Variants in TBC1D5 observed in about 807,000 individuals in gnomAD.
The protein encoded by TBC1D5 is TBC1 domain family, member 5.
In TBC1D5, 75 loss-of-function variants were observed where a neutral mutation model predicts 100.3. The observed-to-expected ratio is 0.75, with a 90% CI of 0.62 to 0.91. TBC1D5 has a LOEUF of 0.91. Ranked by LOEUF, TBC1D5 falls within the 40% of genes least tolerant of loss-of-function variation. TBC1D5 has a pLI of 0.00. For synonymous variants in TBC1D5, 323 were observed against 325.6 expected (o/e 0.99, Z 0.09); for missense variants, 910 against 942.4 (o/e 0.97, Z 0.45).
chr3:17,686,022 T>C (rs2070222651), intron 1 of TBC1D5, among the ~76,000 whole-genome samples: 1 of 152,174 alleles, frequency 6.6e-6, no homozygotes, highest in African/African-American at 2.4e-5. Flanking sequence ...GTGGACTAAC[T>C]TCAACTTGAC....
intron 17 of TBC1D5, among the ~76,000 whole-genome samples, chr3:17,219,918 G>T (rs1032848944): frequency 1.3e-5 from 2 of 152,010 alleles, no homozygotes; most frequent in South Asian, 2.1e-4. Flanking sequence ...AGATTTTCAG[G>T]GGCCCCTGCC....
At chr3:17,451,804 T>C (rs2094934303) in intron 3 of TBC1D5, among the ~76,000 whole-genome samples, 1 of 151,998 alleles carries the variant, frequency 6.6e-6, no homozygotes, top group Non-Finnish European at 1.5e-5. Flanking sequence ...GCGCCTGTAA[T>C]CCCTGCTCGG....
At chr3:17,406,493 ATTG>A (rs749096649) in exon 5 of TBC1D5, 34 of 1,611,724 alleles carry the variant, frequency 2.1e-5, no homozygotes, top group Middle Eastern at 1.6e-4. Context: ...TTGCCAAGTA[ATTG>A]TTGTTTACAA....
intron 14 of TBC1D5, among the ~76,000 whole-genome samples, chr3:17,301,725 A>T (rs958116604): frequency 6.6e-6 from 1 of 152,186 alleles, no homozygotes; most frequent in African/African-American, 2.4e-5. Context: ...TGAGAGCTAG[A>T]ATAATAGGAA....
chr3:17,485,459 T>C (rs1576297248), intron 3 of TBC1D5, among the ~76,000 whole-genome samples: 1 of 150,956 alleles, frequency 6.6e-6, no homozygotes, highest in South Asian at 2.1e-4. Context: ...GCATTAGGTG[T>C]ATCTCCTAAT....
intron 2 of TBC1D5, among the ~76,000 whole-genome samples, chr3:17,537,509 G>A (rs920867515): frequency 6.6e-6 from 1 of 152,042 alleles, no homozygotes; most frequent in Non-Finnish European, 1.5e-5. Context: ...CTGTCAGTTG[G>A]GGGGCTCAGG....
At chr3:17,442,407 C>T (rs1026503373) in intron 3 of TBC1D5, among the ~76,000 whole-genome samples, 1 of 152,088 alleles carries the variant, frequency 6.6e-6, no homozygotes, top group Non-Finnish European at 1.5e-5. Flanking sequence ...AGTGGAGAAC[C>T]CCAATTATTT....
chr3:17,585,635 C>A (rs1286388721), intron 2 of TBC1D5, among the ~76,000 whole-genome samples: 1 of 152,126 alleles, frequency 6.6e-6, no homozygotes, highest in East Asian at 1.9e-4. Flanking sequence ...TGTCTCATTT[C>A]TTTTACTCTC....
chr3:17,371,929 TG>T, intron 13 of TBC1D5, 145 bp downstream of exon 13: 1 of 647,412 alleles, frequency 1.5e-6, no homozygotes, highest in Non-Finnish European at 2.3e-6. Context: ...ACCAGCTACT[TG>T]GGAAGCTGAG....
intron 13 of TBC1D5, among the ~76,000 whole-genome samples, chr3:17,367,392 C>T (rs962410761): frequency 6.6e-6 from 1 of 152,028 alleles, no homozygotes; most frequent in Non-Finnish European, 1.5e-5. Context: ...CATTCTTATG[C>T]TTATACTAAA....
intron 1 of TBC1D5, among the ~76,000 whole-genome samples, chr3:17,670,288 A>G (rs538204613): frequency 6.6e-6 from 1 of 152,354 alleles, no homozygotes; most frequent in South Asian, 2.1e-4. Context: ...TCGAACACAA[A>G]TTATTATTAA....
In TBC1D5 at chr3:17,547,318, G is replaced by T. The variant is rs141144839; in HGVS notation, c.-35-38713C>A. ...AAAATGAATCTTCTCAGTCTCAGAA[G>T]GGTGATTACTTCTGTCTCGGTTATT... On this transcript the variant is annotated intron_variant, in intron 2 of 21. Transcript: ENST00000253692. 1.1e-3 allele frequency among the ~76,000 whole-genome samples: 170 copies of T among 152,184 alleles called. 1 individual carries two copies. The highest frequency in any genetic ancestry group is 9.2e-3 in the Admixed American group (140 of 15,282).
In TBC1D5 at chr3:17,415,988, A is replaced by G. The variant is rs146404674; in HGVS notation, c.168-9462T>C. Among the ~76,000 whole-genome samples the G allele has an allele frequency of 5.0e-3, 757 of 152,324 alleles. 3 individuals are homozygous for G. The highest frequency in any genetic ancestry group is 0.017 in the African/African-American group (713 of 41,568). ...ATACTGTAAAGGAAAGGCTGGTAGA[A>G]TAGAGAATAAATTACTTTCCAGTTA... On this transcript the variant is annotated intron_variant, in intron 4 of 21. Coordinates refer to ENST00000253692, the Ensembl canonical transcript of TBC1D5.
intron 2 of TBC1D5, among the ~76,000 whole-genome samples, chr3:17,597,532 GT>G (rs2060647605): frequency 6.6e-6 from 1 of 152,036 alleles, no homozygotes; most frequent in Middle Eastern, 3.2e-3. Context: ...GGGAAACTTG[GT>G]TTACATTATC....
intron 2 of TBC1D5, among the ~76,000 whole-genome samples, chr3:17,584,463 C>T (rs118183823): frequency 0.017 from 2,520 of 152,170 alleles, 50 homozygotes; most frequent in South Asian, 0.048. Flanking sequence ...TATTTAACTT[C>T]GGAAGGCTCT....
intron 19 of TBC1D5, among the ~76,000 whole-genome samples, chr3:17,172,272 T>C (rs1364199677): frequency 6.6e-6 from 1 of 152,232 alleles, no homozygotes; most frequent in African/African-American, 2.4e-5. Flanking sequence ...GTACTGACCA[T>C]GTAAATCATT....
At chr3:17,737,625 T>C (rs955519510) in intron 1 of TBC1D5, among the ~76,000 whole-genome samples, 3 of 152,194 alleles carry the variant, frequency 2.0e-5, no homozygotes, top group Non-Finnish European at 4.4e-5. Context: ...GAATTTTCTT[T>C]AGACATACAT....
intron 2 of TBC1D5, among the ~76,000 whole-genome samples, chr3:17,564,061 C>T (rs962573545): frequency 6.6e-6 from 1 of 152,330 alleles, no homozygotes; most frequent in South Asian, 2.1e-4. Context: ...GGATTACAGG[C>T]ATGAGCCACC....
intron 4 of TBC1D5, among the ~76,000 whole-genome samples, chr3:17,407,514 T>C (rs2093803549): frequency 6.6e-6 from 1 of 152,132 alleles, no homozygotes; most frequent in African/African-American, 2.4e-5. Flanking sequence ...AGAAAGCCAC[T>C]AAAACCCTCA....
Sources: gnomAD v4.1 joint callset for allele counts (sites outside exome capture counted in the v4.1 genomes callset) on GRCh38, gnomAD v4.1.1 for gene constraint, MANE v1.5 for transcripts, NCBI Gene and HGNC (gene_info 2026-07-23, HGNC 2026-07-21) for gene names.